The following FAM193B variants were observed in gnomAD, a reference collection of about 807,000 sequenced individuals.
FAM193B encodes family with sequence similarity 193 member B, also known as protein FAM193B.
Under a neutral mutation model 70.7 loss-of-function variants are expected in FAM193B, and 27 were observed. The ratio of observed to expected loss-of-function variants is 0.38; its 90% CI spans 0.28 to 0.53. FAM193B has a LOEUF of 0.53. FAM193B is among the 20% of genes least tolerant of loss of function. FAM193B has a pLI of 0.81. For missense variants in FAM193B, 1,022 were observed against 1,072.5 expected, an observed-to-expected ratio of 0.95 and a Z score of 0.66; for synonymous variants, 448 against 436.0, an observed-to-expected ratio of 1.03 and a Z score of -0.34.
In FAM193B at chr5:177,536,547, G is replaced by T; in HGVS notation, c.887C>A (p.Ala296Asp). 8 of 1,536,208 alleles carry T rather than the reference G, an allele frequency of 5.2e-6. No individual in the cohort carries two copies. The highest frequency in any genetic ancestry group is 7.0e-6 in the Non-Finnish European group (8 of 1,148,320). The change falls in exon 4 of 9, where the codon GCT becomes GAT. Residue 296 changes from alanine (A) to aspartate (D), a missense_variant. Ala to Asp is a moderately radical substitution (Grantham distance 126). Transcript: ENST00000514747. Reference sequence around the variant, plus strand: ...TGGAGTGTGGGGGGCAGTGGCAGCAGCAACAGGGCACTCTGAAGCCTGGGC... The same window carrying T: ...TGGAGTGTGGGGGGCAGTGGCAGCATCAACAGGGCACTCTGAAGCCTGGGC... ...FPAQASECPV[A>D]AATAPHTPGP...
intron 1 of FAM193B, chr5:177,552,016 G>A: frequency 1.0e-6 from 1 of 984,830 alleles, no homozygotes; most frequent in Non-Finnish European, 1.2e-6. Flanking sequence ...AAAAAAAAAT[G>A]CCTTGTTGAA....
chr5:177,532,308 C>T lies in FAM193B; in HGVS notation c.1275+135G>A, dbSNP rs1215275976. ...GTGCTGTGAGGATCAAGCGAGCAGA[C>T]GCAGGTGCAAGGACTCACGGCCCCA... is the stretch of plus-strand genomic sequence containing the variant. On this transcript the variant is annotated intron_variant, in intron 5 of 8. Coordinates refer to ENST00000514747, the MANE Select transcript of FAM193B (RefSeq NM_001190946.3). The surrounding 1 kb of genome is among the most constrained non-coding windows in gnomAD (Gnocchi z 4.9). The T allele has an allele frequency of 8.7e-6, 13 of 1,486,848 alleles. No homozygotes were observed. Among genetic ancestry groups the T allele is most frequent in the East Asian group, 7.4e-5 (3 of 40,492 alleles). 92.1% of individuals were successfully genotyped at this position (1,486,848 alleles called of 1,614,324 possible).
chr5:177,547,277 A>ATTTTTTT, intron 1 of FAM193B: 1 of 67,502 alleles, frequency 1.5e-5, no homozygotes, highest in East Asian at 4.2e-4. Flanking sequence ...GCCCAAACCA[A>ATTTTTTT]ATTTATTTCT....
intron 5 of FAM193B, among the ~76,000 whole-genome samples, chr5:177,529,002 G>A (rs914792810): frequency 6.6e-6 from 1 of 152,092 alleles, no homozygotes; most frequent in African/African-American, 2.4e-5. Context: ...TGAGTGATGG[G>A]TCAATTTGCC....
chr5:177,524,690 G>C lies in FAM193B; in HGVS notation c.1791C>G (p.Ile597Met), dbSNP rs1255008736. ...LNTVPNLSRV[I>M]WVKTPKPGYP... The stretch of plus-strand genomic sequence containing the variant: ...AGCCCGGCTTGGGTGTCTTGACCCA[G>C]ATCACCCGGGATAGGTTGGGCACGG... Residue 597 changes from isoleucine to methionine, a missense_variant, in exon 6 of 9, where the codon ATC (isoleucine) becomes ATG (methionine). Coordinates refer to ENST00000514747, the MANE Select transcript of FAM193B (RefSeq NM_001190946.3). 1 of 1,603,780 alleles carries C rather than the reference G, an allele frequency of 6.2e-7. No individual in the cohort carries two copies. The highest frequency in any genetic ancestry group is 8.5e-7 in the Non-Finnish European group (1 of 1,175,700).
chr5:177,541,441 C>T lies in FAM193B; in HGVS notation c.211-2294G>A, dbSNP rs457796. On this transcript the variant is annotated intron_variant, in intron 1 of 8. Transcript: ENST00000514747. ...TTCTTTTTTTTTTCTTCTTTTGAGA[C>T]GGAGTCTCGCTCTGTCGCCCAGGCT... 4.9e-3 allele frequency among the ~76,000 whole-genome samples: 747 copies of T among 152,036 alleles called. 5 individuals carry two copies. The highest frequency in any genetic ancestry group is 0.017 in the African/African-American group (719 of 41,444).
intron 1 of FAM193B, among the ~76,000 whole-genome samples, chr5:177,550,113 G>C (rs139556621): frequency 2.5e-4 from 38 of 152,220 alleles, no homozygotes; most frequent in African/African-American, 8.7e-4. Context: ...CCAGGAGTTT[G>C]AGGATAGCCT....
Position 177,538,468 on chromosome 5 carries a change from C to T in FAM193B, c.454-361G>A, listed in dbSNP as rs1019758218. On this transcript the variant is annotated intron_variant, in intron 2 of 8. Transcript: ENST00000514747. This position sits in a 1 kb window ranked among gnomAD's most constrained non-coding sequence, Gnocchi z 4.1. ...CCTGGGTAAAAGGGAAGATCTGCAGCGACGTGAGAAATGAGGAAAGTCTGG... is the reference window on the plus strand; with the variant it reads ...CCTGGGTAAAAGGGAAGATCTGCAGTGACGTGAGAAATGAGGAAAGTCTGG... 6.6e-6 allele frequency among the ~76,000 whole-genome samples: 1 copy of T among 152,128 alleles called. No individual in the cohort carries two copies. The highest frequency in any genetic ancestry group is 2.4e-5 in the African/African-American group (1 of 41,418).
At chr5:177,531,249 G>C (rs1763393818) in intron 5 of FAM193B, 2 of 1,240,622 alleles carry the variant, frequency 1.6e-6, no homozygotes, top group Admixed American at 3.0e-5. Context: ...TCAGGGAGGA[G>C]AGACGGCAGA....
intron 1 of FAM193B, among the ~76,000 whole-genome samples, chr5:177,541,355 T>C (rs1581914476): frequency 6.6e-6 from 1 of 152,214 alleles, no homozygotes; most frequent in Non-Finnish European, 1.5e-5. Flanking sequence ...TTCATTTCAT[T>C]TGCATGCTAG....
intron 1 of FAM193B, among the ~76,000 whole-genome samples, chr5:177,541,053 G>A (rs1764790877): frequency 6.6e-6 from 1 of 152,136 alleles, no homozygotes; most frequent in African/African-American, 2.4e-5. Flanking sequence ...GGAAGTACAA[G>A]GAACTTAGAA....
At chr5:177,529,778 G>A (rs961028152) in intron 5 of FAM193B, among the ~76,000 whole-genome samples, 2 of 152,176 alleles carry the variant, frequency 1.3e-5, no homozygotes, top group South Asian at 2.1e-4. Flanking sequence ...GCTCTCTGGG[G>A]ACCTAACTGG....
chr5:177,547,810 G>T (rs545695534), intron 1 of FAM193B, among the ~76,000 whole-genome samples: 2 of 152,270 alleles, frequency 1.3e-5, no homozygotes, highest in South Asian at 4.1e-4. Flanking sequence ...GCATGGAGGG[G>T]GAAATAATAA....
chr5:177,541,497 C>T (rs1166861417), intron 1 of FAM193B, among the ~76,000 whole-genome samples: 2 of 152,110 alleles, frequency 1.3e-5, no homozygotes, highest in Non-Finnish European at 2.9e-5. Flanking sequence ...CGGCTCACTG[C>T]AAGCTCCGCC....
chr5:177,529,888 C>G (rs1763190537), intron 5 of FAM193B, among the ~76,000 whole-genome samples: 1 of 152,200 alleles, frequency 6.6e-6, no homozygotes, highest in African/African-American at 2.4e-5. Context: ...GTGCTGACCA[C>G]CTTCAGAAGG....
At chr5:177,546,367 C>T (rs1397828133) in intron 1 of FAM193B, among the ~76,000 whole-genome samples, 2 of 152,208 alleles carry the variant, frequency 1.3e-5, no homozygotes, top group Non-Finnish European at 2.9e-5. Flanking sequence ...AGTGTGTGGA[C>T]CTTGGTCATT....
rs367800479 is a variant in FAM193B, at chr5:177,524,731, C to T, written c.1750G>A (p.Val584Met). The T allele has an allele frequency of 2.6e-5, 40 of 1,552,912 alleles. No individual in the cohort carries two copies. Among genetic ancestry groups the T allele is most frequent in the African/African-American group, 1.5e-4 (11 of 72,832 alleles). ...TTGGGCACGGTGTTGAGTCTCCTCA[C>T]GAGCCCGTTCTCGGGGACGATACCG... is the stretch of plus-strand genomic sequence containing the variant. ...PPGIVPENGL[V>M]RRLNTVPNLS... The change falls in exon 6 of 9, where the codon GTG (valine) becomes ATG (methionine). Residue 584 changes from valine (V) to methionine (M), a missense_variant. Physicochemically the swap from Val to Met is conservative, Grantham distance 21 (BLOSUM62 1). Transcript: ENST00000514747.
In FAM193B at chr5:177,539,729, CT is replaced by C. The variant is rs763075694; in HGVS notation, c.211-583del. Among the ~76,000 whole-genome samples, 32 of 152,326 alleles carry C rather than the reference CT, an allele frequency of 2.1e-4. No homozygotes were observed. In the East Asian group the frequency reaches 5.0e-3, roughly 24 times the overall value. ...ATTGTGTCAGAGGGAAGGTAAGGCT[CT>C]GGTTGGTGCTCCTGAGAGGTAGTGA... On this transcript the variant is annotated intron_variant, in intron 1 of 8. Transcript: ENST00000514747.
Position 177,538,879 on chromosome 5 carries a change from A to G in FAM193B, c.453+26T>C. On this transcript the variant is annotated intron_variant, in intron 2 of 8. Coordinates refer to ENST00000514747, the MANE Select transcript of FAM193B (RefSeq NM_001190946.3). This position sits in a 1 kb window ranked among gnomAD's most constrained non-coding sequence, Gnocchi z 4.1. Reference sequence around the variant, plus strand: ...CTTGGGGAGGAGCCCTCCTGCATTCAGGGACCCCTGTCAGCGGTTACCTAC... The same window carrying G: ...CTTGGGGAGGAGCCCTCCTGCATTCGGGGACCCCTGTCAGCGGTTACCTAC... The G allele has an allele frequency of 6.2e-7, 1 of 1,611,538 alleles. No homozygotes were observed. The highest frequency in any genetic ancestry group is 8.5e-7 in the Non-Finnish European group (1 of 1,178,058).
Sources: allele counts gnomAD v4.1 joint callset (sites outside exome capture counted in the v4.1 genomes callset), GRCh38; gene constraint gnomAD v4.1.1; non-coding constraint Gnocchi (gnomAD v3.1); transcripts MANE v1.5; gene names NCBI Gene and HGNC (gene_info 2026-07-23, HGNC 2026-07-21).